Variants in ARHGAP15 observed in about 807,000 individuals in gnomAD.
The protein encoded by ARHGAP15 is Rho GTPase activating protein 15, also known as rho GTPase-activating protein 15.
In ARHGAP15, 51 loss-of-function variants were observed where a neutral mutation model predicts 63.7. The ratio of observed to expected loss-of-function variants is 0.80; its 90% CI spans 0.64 to 1.01. ARHGAP15 has a LOEUF of 1.01. Ranked by LOEUF, ARHGAP15 falls within the 50% of genes least tolerant of loss-of-function variation. The pLI is 0.00. For missense variants in ARHGAP15, 560 were observed against 564.6 expected, an observed-to-expected ratio of 0.99 and a Z score of 0.08; for synonymous variants, 191 against 193.8, an observed-to-expected ratio of 0.99 and a Z score of 0.12.
rs188426791 is a variant in ARHGAP15 at position 143,136,866 on chromosome 2, G to A, written c.-15+7400G>A. On this transcript the variant is annotated intron_variant, in intron 1 of 13. Transcript: ENST00000295095. ...CTTATTGAATAACTTTGTATTTCAC[G>A]GGAATGAATTAGATATTAAGCAAGA... 3.2e-3 allele frequency among the ~76,000 whole-genome samples: 490 copies of A among 151,898 alleles called. 1 individual carries two copies. The highest frequency in any genetic ancestry group is 4.8e-3 in the Non-Finnish European group (328 of 67,866).
At chr2:143,173,120 T>C (rs560810152) in intron 2 of ARHGAP15, among the ~76,000 whole-genome samples, 1 of 152,148 alleles carries the variant, frequency 6.6e-6, no homozygotes, top group East Asian at 1.9e-4. Flanking sequence ...TGGATTCAGT[T>C]TCTTTGAAGA....
At chr2:143,195,643 C>T (rs1054557754) in intron 2 of ARHGAP15, among the ~76,000 whole-genome samples, 6 of 152,066 alleles carry the variant, frequency 3.9e-5, no homozygotes, top group Non-Finnish European at 8.8e-5. Context: ...TAAACTTAAC[C>T]ACAGATTTAT....
intron 2 of ARHGAP15, among the ~76,000 whole-genome samples, chr2:143,184,703 A>T (rs1185257827): frequency 6.6e-6 from 1 of 151,922 alleles, no homozygotes; most frequent in Non-Finnish European, 1.5e-5. Context: ...TTGTTTTAAG[A>T]CAAGTTCTTA....
chr2:143,281,910 A>G (rs1681869352), intron 6 of ARHGAP15, among the ~76,000 whole-genome samples: 1 of 152,186 alleles, frequency 6.6e-6, no homozygotes, highest in African/African-American at 2.4e-5. Context: ...AAAGTCTTCT[A>G]TGAATCCAGT....
At position 143,290,979 on chromosome 2, in the gene ARHGAP15, CAG is replaced by C. The variant is rs374954161; in HGVS notation, c.474+40380_474+40381del. ...AAAAGACAGAAGAGAAGGAAGAAGA[CAG>C]GGTGTTATGAAGTGGCCAGTGAGAT... On this transcript the variant is annotated intron_variant, in intron 6 of 13. Transcript: ENST00000295095. 1.2e-4 allele frequency among the ~76,000 whole-genome samples: 19 copies of C among 152,176 alleles called. No homozygotes were observed. The East Asian group carries it at 3.1e-3, about 25-fold the overall frequency.
At chr2:143,270,662 G>A (rs917257383) in intron 6 of ARHGAP15, among the ~76,000 whole-genome samples, 2 of 151,986 alleles carry the variant, frequency 1.3e-5, no homozygotes, top group African/African-American at 4.8e-5. Flanking sequence ...CTTTGGTATT[G>A]ACATAGTATT....
At chr2:143,528,223 G>A (rs1694364282) in intron 10 of ARHGAP15, among the ~76,000 whole-genome samples, 1 of 152,166 alleles carries the variant, frequency 6.6e-6, no homozygotes, top group East Asian at 1.9e-4. Flanking sequence ...ACTATGACTT[G>A]TAATTGACAT....
chr2:143,604,067 AAT>A (rs1437216549), intron 11 of ARHGAP15, among the ~76,000 whole-genome samples: 4 of 152,312 alleles, frequency 2.6e-5, no homozygotes, highest in Non-Finnish European at 5.9e-5. Context: ...TAGACTACGA[AAT>A]AATCTCTCAA....
intron 12 of ARHGAP15, among the ~76,000 whole-genome samples, chr2:143,652,836 G>C (rs1446271588): frequency 6.6e-6 from 1 of 152,066 alleles, no homozygotes; most frequent in African/African-American, 2.4e-5. Flanking sequence ...GTTCTACATA[G>C]AAGATTATGT....
Position 143,158,146 on chromosome 2 carries a change from A to G in ARHGAP15, c.165+2491A>G, listed in dbSNP as rs185852101. Among the ~76,000 whole-genome samples the G allele has an allele frequency of 2.6e-4, 40 of 152,058 alleles. No homozygotes were observed. In the East Asian group the frequency reaches 7.4e-3, roughly 28 times the overall value. ...CTGATATTACATTCATCATGACTTA[A>G]TTCATTACAAAAATGATAAAATATT... On this transcript the variant is annotated intron_variant, in intron 2 of 13. Transcript: ENST00000295095.
intron 5 of ARHGAP15, among the ~76,000 whole-genome samples, chr2:143,230,468 G>A (rs1410946676): frequency 6.6e-6 from 1 of 152,110 alleles, no homozygotes; most frequent in African/African-American, 2.4e-5. Flanking sequence ...GTTGACAATA[G>A]ACTTGACTTG....
chr2:143,665,417 T>A (rs1257808898), intron 12 of ARHGAP15, among the ~76,000 whole-genome samples: 1 of 69,786 alleles, frequency 1.4e-5, no homozygotes, highest in African/African-American at 5.7e-5. Context: ...GGGACATATT[T>A]CAAAATAATA....
rs137867389 is a variant in ARHGAP15, at chr2:143,695,248, C to G, written c.1139-8171C>G. Among the ~76,000 whole-genome samples, 309 of 152,070 alleles carry G rather than the reference C, an allele frequency of 2.0e-3. 1 individual carries two copies. The highest frequency in any genetic ancestry group is 3.5e-3 in the Non-Finnish European group (235 of 67,962). ...TTAGAGAAATTCAGAGAAATAAACC[C>G]ATGAGCTTTATTTTCTCAGCACAGA... On this transcript the variant is annotated intron_variant, in intron 12 of 13. Transcript: ENST00000295095.
At chr2:143,571,482 C>A (rs138209550) in intron 11 of ARHGAP15, among the ~76,000 whole-genome samples, 31 of 152,258 alleles carry the variant, frequency 2.0e-4, no homozygotes, top group African/African-American at 7.5e-4. Flanking sequence ...CTTCATTCAG[C>A]TGAGATTTGG....
chr2:143,712,761 T>C (rs1684637028), intron 13 of ARHGAP15, among the ~76,000 whole-genome samples: 2 of 150,224 alleles, frequency 1.3e-5, no homozygotes, highest in African/African-American at 2.5e-5. Flanking sequence ...GCAGAATTTA[T>C]AACAATGACC....
intron 6 of ARHGAP15, among the ~76,000 whole-genome samples, chr2:143,423,996 G>C (rs1444282651): frequency 1.3e-5 from 2 of 152,074 alleles, no homozygotes; most frequent in Non-Finnish European, 2.9e-5. Context: ...TTTTATCCTT[G>C]GGATAAAAGG....
At chr2:143,403,156 A>G (rs769616562) in intron 6 of ARHGAP15, among the ~76,000 whole-genome samples, 2 of 151,930 alleles carry the variant, frequency 1.3e-5, no homozygotes, top group Non-Finnish European at 2.9e-5. Flanking sequence ...TCTAGTTTAT[A>G]TCATTTTCAA....
At chr2:143,528,540 A>G (rs2105008667) in intron 10 of ARHGAP15, among the ~76,000 whole-genome samples, 1 of 152,186 alleles carries the variant, frequency 6.6e-6, no homozygotes, top group African/African-American at 2.4e-5. Flanking sequence ...TGATTTTGCT[A>G]TTGGATATTG....
intron 12 of ARHGAP15, among the ~76,000 whole-genome samples, chr2:143,661,868 A>G (rs1168505858): frequency 6.6e-6 from 1 of 152,220 alleles, no homozygotes; most frequent in Non-Finnish European, 1.5e-5. Flanking sequence ...GGACCGGCTT[A>G]AAAAATGGCG....
Sources: gnomAD v4.1 joint callset for allele counts (sites outside exome capture counted in the v4.1 genomes callset) on GRCh38, gnomAD v4.1.1 for gene constraint, MANE v1.5 for transcripts, NCBI Gene and HGNC (gene_info 2026-07-23, HGNC 2026-07-21) for gene names.